The following DCLK1 variants were observed in gnomAD, a reference collection of about 807,000 sequenced individuals.
The protein encoded by DCLK1 is doublecortin like kinase 1, also known as serine/threonine-protein kinase DCLK1.
In DCLK1, 16 loss-of-function variants were observed where a neutral mutation model predicts 86.2. That is an observed-to-expected ratio of 0.19 (90% confidence interval 0.13 to 0.28). The LOEUF is 0.28. Among genes scored for constraint, DCLK1 ranks in the 10% least tolerant of loss-of-function variants. The pLI, the probability that DCLK1 is intolerant of heterozygous loss-of-function variation, is 1.00. For synonymous variants in DCLK1, 369 were observed against 370.5 expected (o/e 1.00, Z 0.05); for missense variants, 590 against 940.2 (o/e 0.63, Z 4.87).
At chr13:35,885,728 T>G (rs1873188078) in intron 4 of DCLK1, among the ~76,000 whole-genome samples, 1 of 152,214 alleles carries the variant, frequency 6.6e-6, no homozygotes, top group Non-Finnish European at 1.5e-5. Flanking sequence ...CAAATTCATA[T>G]TTTTATATAT....
At chr13:35,974,946 T>G (rs972121964) in intron 3 of DCLK1, among the ~76,000 whole-genome samples, 1 of 152,236 alleles carries the variant, frequency 6.6e-6, no homozygotes, top group African/African-American at 2.4e-5. Flanking sequence ...ATACCAGGAA[T>G]GGTGCTAAGA....
intron 3 of DCLK1, among the ~76,000 whole-genome samples, chr13:36,091,696 C>G (rs76779084): frequency 2.0e-5 from 3 of 152,116 alleles, no homozygotes; most frequent in Non-Finnish European, 4.4e-5. Context: ...AAAATAGCCA[C>G]CATTCCTAGC....
At chr13:35,846,877 T>C in intron 6 of DCLK1, 1 of 985,368 alleles carries the variant, frequency 1.0e-6, no homozygotes, top group Non-Finnish European at 1.2e-6. Flanking sequence ...TCAAAATTTG[T>C]CAACAGTTTA....
In DCLK1 at chr13:35,992,202, C is replaced by T. The variant is rs182433954; in HGVS notation, c.724-44745G>A. 2.5e-3 allele frequency among the ~76,000 whole-genome samples: 387 copies of T among 152,252 alleles called. 6 individuals carry two copies. Among genetic ancestry groups the T allele is most frequent in the Admixed American group, 0.02 (313 of 15,280 alleles). Reference sequence around the variant, plus strand: ...TCTCAATTTTTAACAGGTTGACAGACGTTCAATTCTGTTTTGAAACGCAAA... The same window carrying T: ...TCTCAATTTTTAACAGGTTGACAGATGTTCAATTCTGTTTTGAAACGCAAA... On this transcript the variant is annotated intron_variant, in intron 3 of 16. Coordinates refer to ENST00000360631, the MANE Select transcript of DCLK1 (RefSeq NM_001330071.2).
At chr13:36,050,033 A>G (rs2153156966) in intron 3 of DCLK1, among the ~76,000 whole-genome samples, 1 of 152,296 alleles carries the variant, frequency 6.6e-6, no homozygotes, top group African/African-American at 2.4e-5. Context: ...GTGTTTAACA[A>G]CTGGCTCAGA....
chr13:36,026,773 T>G (rs1882049003), intron 3 of DCLK1, among the ~76,000 whole-genome samples: 1 of 152,154 alleles, frequency 6.6e-6, no homozygotes, highest in Admixed American at 6.5e-5. Flanking sequence ...TGCTCAAAAT[T>G]CAATACAAGC....
At chr13:35,943,617 G>A (rs1877207316) in intron 4 of DCLK1, among the ~76,000 whole-genome samples, 1 of 152,236 alleles carries the variant, frequency 6.6e-6, no homozygotes, top group African/African-American at 2.4e-5. Flanking sequence ...GCTCCGGATG[G>A]CAGTGGAATG....
intron 3 of DCLK1, among the ~76,000 whole-genome samples, chr13:35,985,683 T>G (rs1426216205): frequency 1.3e-5 from 2 of 152,178 alleles, no homozygotes; most frequent in African/African-American, 2.4e-5. Context: ...GACTGAGGGA[T>G]TTGGCAGCCT....
intron 3 of DCLK1, among the ~76,000 whole-genome samples, chr13:36,059,504 T>C (rs971978848): frequency 9.2e-5 from 14 of 152,138 alleles, no homozygotes; most frequent in African/African-American, 3.4e-4. Flanking sequence ...GACTATTTTC[T>C]CCACTAAACC....
At chr13:35,807,111 T>A (rs975656753) in intron 14 of DCLK1, among the ~76,000 whole-genome samples, 3 of 152,214 alleles carry the variant, frequency 2.0e-5, no homozygotes, top group Admixed American at 2.0e-4. Context: ...GAGACATAAA[T>A]TTTAAAAAGA....
intron 3 of DCLK1, among the ~76,000 whole-genome samples, chr13:35,983,815 C>T (rs1169288865): frequency 2.0e-5 from 3 of 152,104 alleles, no homozygotes; most frequent in South Asian, 2.1e-4. Flanking sequence ...GAGACAGCAA[C>T]GAACTGCAAT....
chr13:35,806,247 G>C lies in DCLK1; in HGVS notation c.1864-468C>G, dbSNP rs1046570491. Reference sequence around the variant, plus strand: ...ATACTTAGGTTTGAAAGAAAGGTATGAGGAAAGACATAGAATTGGGTCTTT... The same window carrying C: ...ATACTTAGGTTTGAAAGAAAGGTATCAGGAAAGACATAGAATTGGGTCTTT... On this transcript the variant is annotated intron_variant, in intron 14 of 16. Coordinates refer to ENST00000360631, the MANE Select transcript of DCLK1 (RefSeq NM_001330071.2). Among the ~76,000 whole-genome samples, 9 of 152,288 alleles carry C rather than the reference G, an allele frequency of 5.9e-5. No individual in the cohort carries two copies. The East Asian group carries it at 1.5e-3, about 26-fold the overall frequency.
At chr13:35,978,659 T>C (rs1399028323) in intron 3 of DCLK1, among the ~76,000 whole-genome samples, 3 of 152,164 alleles carry the variant, frequency 2.0e-5, no homozygotes, top group Non-Finnish European at 4.4e-5. Flanking sequence ...AAATAGAATT[T>C]GAACACTCTC....
chr13:35,902,234 G>A (rs943185247), intron 4 of DCLK1, among the ~76,000 whole-genome samples: 4 of 152,198 alleles, frequency 2.6e-5, no homozygotes, highest in Non-Finnish European at 4.4e-5. Context: ...TGGAGCCAAG[G>A]GTGAAACCCA....
intron 3 of DCLK1, among the ~76,000 whole-genome samples, chr13:36,100,243 G>A (rs1885171325): frequency 6.7e-6 from 1 of 149,954 alleles, no homozygotes; most frequent in South Asian, 2.1e-4. Context: ...GCCAGGCATG[G>A]TGGTGGACAC....
chr13:35,976,385 C>T (rs2153140568), intron 3 of DCLK1, among the ~76,000 whole-genome samples: 1 of 152,138 alleles, frequency 6.6e-6, no homozygotes, highest in Admixed American at 6.5e-5. Flanking sequence ...CTCACCGTCT[C>T]CTCCCTAACA....
At chr13:35,867,203 A>G (rs1871857472) in intron 5 of DCLK1, among the ~76,000 whole-genome samples, 1 of 152,226 alleles carries the variant, frequency 6.6e-6, no homozygotes, top group Non-Finnish European at 1.5e-5. Flanking sequence ...CAGTGCATAT[A>G]GTAATCTCTT....
intron 16 of DCLK1, among the ~76,000 whole-genome samples, chr13:35,785,048 TTTAGTCACATC>T (rs376331808): frequency 2.7e-3 from 412 of 152,288 alleles, no homozygotes; most frequent in African/African-American, 9.5e-3. Context: ...ATATGCACAT[TTTAGTCACATC>T]TTGCCTGAGA....
chr13:35,947,184 GT>G (rs1877431164), intron 4 of DCLK1, among the ~76,000 whole-genome samples, 173 bp downstream of exon 4: 1 of 151,840 alleles, frequency 6.6e-6, no homozygotes, highest in African/African-American at 2.4e-5. Context: ...CATTTCATCT[GT>G]TTTCCATATT....
Sources: gnomAD v4.1 joint callset for allele counts (sites outside exome capture counted in the v4.1 genomes callset) on GRCh38, gnomAD v4.1.1 for gene constraint, MANE v1.5 for transcripts, NCBI Gene and HGNC (gene_info 2026-07-23, HGNC 2026-07-21) for gene names.